AGBL3: variants seen among roughly 807,000 people sequenced by gnomAD.
AGBL3 encodes AGBL carboxypeptidase 3, also known as cytosolic carboxypeptidase 3.
Under a neutral mutation model 94.5 loss-of-function variants are expected in AGBL3, and 68 were observed. The ratio of observed to expected loss-of-function variants is 0.72; its 90% CI spans 0.59 to 0.88. The LOEUF is 0.88. Ranked by LOEUF, AGBL3 falls within the 40% of genes least tolerant of loss-of-function variation. The pLI, the probability that AGBL3 is intolerant of heterozygous loss-of-function variation, is 0.00. For synonymous variants in AGBL3, 354 were observed against 370.7 expected, an observed-to-expected ratio of 0.95 and a Z score of 0.52; for missense variants, 934 against 1,103.8, an observed-to-expected ratio of 0.85 and a Z score of 2.18.
chr7:135,012,263 T>C (rs1046902824), intron 4 of AGBL3: 1 of 152,148 alleles, frequency 6.6e-6, no homozygotes, highest in Non-Finnish European at 1.5e-5. Flanking sequence ...TGCATATATA[T>C]GAATGCTTAG....
chr7:135,118,944 T>G (rs1416995177), intron 16 of AGBL3, among the ~76,000 whole-genome samples: 1 of 151,826 alleles, frequency 6.6e-6, no homozygotes, highest in Non-Finnish European at 1.5e-5. Context: ...TTGAGAGAGA[T>G]AGAAAAATAG....
intron 15 of AGBL3, among the ~76,000 whole-genome samples, chr7:135,110,541 G>T (rs563587537): frequency 2.0e-5 from 3 of 152,140 alleles, no homozygotes; most frequent in African/African-American, 7.2e-5. Context: ...TGGGAGAAGC[G>T]TGGGTCCCCA....
intron 6 of AGBL3, 56 bp downstream of exon 6, chr7:135,033,038 A>G (rs1815935891): frequency 1.9e-5 from 27 of 1,433,282 alleles, no homozygotes; most frequent in Non-Finnish European, 2.3e-5. Context: ...TATTTTCTGT[A>G]TCAAGTACAT....
At chr7:135,061,979 C>T (rs1014684437) in intron 12 of AGBL3, among the ~76,000 whole-genome samples, 1 of 152,022 alleles carries the variant, frequency 6.6e-6, no homozygotes, top group African/African-American at 2.4e-5. Context: ...GTAGTATGGA[C>T]AATTTGACAA....
chr7:135,090,139 C>T (rs1821654102), intron 15 of AGBL3, among the ~76,000 whole-genome samples: 1 of 152,062 alleles, frequency 6.6e-6, no homozygotes, highest in East Asian at 1.9e-4. Context: ...TCAGTGATAA[C>T]CCAGATTCCA....
At chr7:135,110,093 C>T (rs1209873405) in intron 15 of AGBL3, among the ~76,000 whole-genome samples, 1 of 151,854 alleles carries the variant, frequency 6.6e-6, no homozygotes, top group African/African-American at 2.4e-5. Flanking sequence ...GATAGTGGTT[C>T]ACCCTCCCTC....
intron 15 of AGBL3, among the ~76,000 whole-genome samples, chr7:135,085,441 C>G (rs983658818): frequency 3.3e-5 from 5 of 151,960 alleles, no homozygotes; most frequent in Admixed American, 3.3e-4. Context: ...TGTCCTGAAG[C>G]ATTTCCTTTG....
intron 5 of AGBL3, among the ~76,000 whole-genome samples, chr7:135,022,137 C>T (rs752578455): frequency 2.4e-4 from 36 of 152,174 alleles, no homozygotes; most frequent in Non-Finnish European, 2.9e-4. Flanking sequence ...TACATGTGCA[C>T]GTATCTTTAC....
chr7:135,046,471 T>C (rs984935349), intron 11 of AGBL3, among the ~76,000 whole-genome samples: 1 of 152,092 alleles, frequency 6.6e-6, no homozygotes, highest in African/African-American at 2.4e-5. Context: ...AATCCACCTA[T>C]TCAACCATCT....
chr7:135,120,047 A>T (rs569402551), intron 16 of AGBL3, among the ~76,000 whole-genome samples: 2 of 152,332 alleles, frequency 1.3e-5, no homozygotes, highest in East Asian at 3.9e-4. Flanking sequence ...AAAATAAGGG[A>T]GAAGTCAAGA....
At chr7:135,010,994 G>A (rs753654429) in intron 4 of AGBL3, 2 of 152,112 alleles carry the variant, frequency 1.3e-5, no homozygotes, top group Non-Finnish European at 2.9e-5. Context: ...ATATGGAAAT[G>A]CCAACGACCT....
In AGBL3 at chr7:134,988,038, G is replaced by A; in HGVS notation, c.63+42G>A. On this transcript the variant is annotated intron_variant, in intron 2 of 16. Coordinates refer to ENST00000436302, the MANE Select transcript of AGBL3 (RefSeq NM_178563.4). ...TTTATTTTACTTGGAGATAAAATTT[G>A]TATTATATAAATCCCCAATTAAAAT... 2.2e-6 allele frequency: 3 copies of A among 1,361,034 alleles called. No homozygotes were observed. In the South Asian group the frequency reaches 4.0e-5, roughly 18 times the overall value. The allele number at this position is 1,361,034 out of a possible 1,614,324, so 84.3% of individuals were successfully genotyped here.
At chr7:135,005,299 A>C (rs957172862) in intron 4 of AGBL3, among the ~76,000 whole-genome samples, 11 of 151,782 alleles carry the variant, frequency 7.2e-5, no homozygotes, top group Non-Finnish European at 1.0e-4. Flanking sequence ...AATTTTAACA[A>C]ATTTAACAAA....
chr7:135,095,384 G>A lies in AGBL3; in HGVS notation c.2110+13594G>A, dbSNP rs574604092. On this transcript the variant is annotated intron_variant, in intron 15 of 16. Transcript: ENST00000436302. The stretch of plus-strand genomic sequence containing the variant: ...AAAGACAGATTCTATCTGATAAGTC[G>A]TTCTTTGGAAATCCTAAAGACAACA... Among the ~76,000 whole-genome samples the A allele has an allele frequency of 5.3e-5, 8 of 152,260 alleles. No individual in the cohort carries two copies. The South Asian group carries it at 1.5e-3, about 28-fold the overall frequency.
At chr7:135,062,033 C>T (rs758364189) in intron 12 of AGBL3, among the ~76,000 whole-genome samples, 1 of 151,824 alleles carries the variant, frequency 6.6e-6, no homozygotes, top group Non-Finnish European at 1.5e-5. Flanking sequence ...CTTTCCATTT[C>T]TTCATAGAAG....
chr7:135,009,499 G>C (rs4413715), intron 4 of AGBL3, among the ~76,000 whole-genome samples: 1 of 152,056 alleles, frequency 6.6e-6, no homozygotes, highest in African/African-American at 2.4e-5. Flanking sequence ...GATTTTTTTT[G>C]ATTGTTTTTT....
intron 4 of AGBL3, among the ~76,000 whole-genome samples, chr7:135,003,768 T>A (rs1812029787): frequency 6.6e-6 from 1 of 151,602 alleles, no homozygotes; most frequent in Admixed American, 6.6e-5. Flanking sequence ...TATTTACTAT[T>A]TTATATTTTC....
At chr7:135,032,766 T>C (rs927617722) in intron 5 of AGBL3, 78 bp from the exon 6 acceptor site, 10 of 1,335,192 alleles carry the variant, frequency 7.5e-6, no homozygotes, top group Non-Finnish European at 9.9e-6. Flanking sequence ...ACTTGTACTA[T>C]TGCTCCAAAC....
chr7:135,012,358 T>A (rs1253068902), intron 4 of AGBL3: 1 of 152,082 alleles, frequency 6.6e-6, no homozygotes, highest in Non-Finnish European at 1.5e-5. Context: ...GAGAGGCTGG[T>A]GATGGGAAAG....
Sources: allele counts gnomAD v4.1 joint callset (sites outside exome capture counted in the v4.1 genomes callset), GRCh38; gene constraint gnomAD v4.1.1; transcripts MANE v1.5; gene names NCBI Gene and HGNC (gene_info 2026-07-23, HGNC 2026-07-21).